Variants in DENND3 observed in about 807,000 individuals in gnomAD.
DENND3 encodes the protein DENN domain-containing protein 3.
A neutral mutation model predicts 135.1 loss-of-function variants in DENND3; 88 were observed. The observed-to-expected ratio is 0.65, with a 90% CI of 0.55 to 0.78. DENND3 has a LOEUF of 0.78. Ranked by LOEUF, DENND3 falls within the 30% of genes least tolerant of loss-of-function variation. DENND3 has a pLI of 0.00. For missense variants in DENND3, 1,392 were observed against 1,688.4 expected, an observed-to-expected ratio of 0.82 and a Z score of 3.08; for synonymous variants, 693 against 712.3, an observed-to-expected ratio of 0.97 and a Z score of 0.43.
intron 1 of DENND3, among the ~76,000 whole-genome samples, chr8:141,131,198 C>T (rs1218008998): frequency 1.3e-5 from 2 of 152,004 alleles, no homozygotes; most frequent in Non-Finnish European, 2.9e-5. Flanking sequence ...AGAATGCAGG[C>T]TAATGTTAGT....
Position 141,194,053 on chromosome 8 carries a change from G to C in DENND3, c.3657G>C (p.Gly1219=). The change falls in exon 23 of 23, where the codon GGG becomes GGC. Residue 1219 remains glycine, a synonymous_variant. Coordinates refer to ENST00000519811, the MANE Select transcript of DENND3 (RefSeq NM_001352890.3). The part of the protein sequence containing the change: ...VKKQVWVGSR[G]LGQGTPKGKI... The stretch of plus-strand genomic sequence containing the variant: ...GGCAGGTCTGGGTGGGCAGCCGAGG[G>C]CTGGGGCAGGGAACACCCAAGGGGA... The C allele has an allele frequency of 6.2e-7, 1 of 1,613,732 alleles. No homozygotes were observed. The highest frequency in any genetic ancestry group is 8.5e-7 in the Non-Finnish European group (1 of 1,179,998).
rs1276165778 is a variant in DENND3 at position 141,193,894 on chromosome 8, C to A, written c.3637-139C>A. Reference sequence around the variant, plus strand: ...CTGTGCACCTGCCAGGCGGCCCTGACCCTCAGGCGGCAGAGGCCCTGTCCA... The same window carrying A: ...CTGTGCACCTGCCAGGCGGCCCTGAACCTCAGGCGGCAGAGGCCCTGTCCA... On this transcript the variant is annotated intron_variant, in intron 22 of 22. Coordinates refer to ENST00000519811, the MANE Select transcript of DENND3 (RefSeq NM_001352890.3). The A allele has an allele frequency of 3.1e-6, 3 of 964,856 alleles. No homozygotes were observed. In the East Asian group the frequency reaches 7.9e-5, roughly 25 times the overall value. The allele number at this position is 964,856 out of a possible 1,614,324, so 59.8% of individuals were successfully genotyped here.
At chr8:141,157,425 C>G in intron 8 of DENND3, 1 of 985,476 alleles carries the variant, frequency 1.0e-6, no homozygotes, top group Non-Finnish European at 1.2e-6. Flanking sequence ...AGGAGAGATC[C>G]TGCTCTTGAG....
In DENND3 at chr8:141,190,444, G is replaced by A. The variant is rs757941698; in HGVS notation, c.3379+27G>A. 2.8e-5 allele frequency: 44 copies of A among 1,588,748 alleles called. 1 individual carries two copies. The highest frequency in any genetic ancestry group is 2.1e-4 in the Middle Eastern group (1 of 4,710). ...TAAGTCCGGCCCCTGCCATCAGAGC[G>A]GGCACCCTACCTCCCTGCTCTGGGA... On this transcript the variant is annotated intron_variant, in intron 20 of 22. Transcript: ENST00000519811.
At chr8:141,159,112 C>T (rs1249152086) in intron 8 of DENND3, among the ~76,000 whole-genome samples, 1 of 152,230 alleles carries the variant, frequency 6.6e-6, no homozygotes, top group Non-Finnish European at 1.5e-5. Flanking sequence ...GTCTGGTCAG[C>T]CAGGGCTGGG....
In DENND3 at chr8:141,165,303, G is replaced by A. The variant is rs758779333; in HGVS notation, c.1553+14G>A. ...GGAGGAGGACAGGTGCTTCACTGTT[G>A]TGTTTTGGATCTGCAGCTCTTTAGG... On this transcript the variant is annotated intron_variant, in intron 11 of 22. Transcript: ENST00000519811. The A allele has an allele frequency of 4.4e-6, 7 of 1,606,606 alleles. No individual in the cohort carries two copies. The East Asian group carries it at 1.6e-4, about 36-fold the overall frequency.
chr8:141,176,629 A>G lies in DENND3; in HGVS notation c.2574A>G (p.Arg858=). 1 of 1,614,250 alleles carries G rather than the reference A, an allele frequency of 6.2e-7. No individual in the cohort carries two copies. Among genetic ancestry groups the G allele is most frequent in the Non-Finnish European group, 8.5e-7 (1 of 1,180,042 alleles). The part of the protein sequence containing the change: ...RRTTTTFLLR[R]IPTLKIRVAS... The stretch of plus-strand genomic sequence containing the variant: ...CCACTACTACATTTCTACTTCGGAG[A>G]ATACCCACTTTAAAAATCAGAGTGG... The change falls in exon 15 of 23, where the codon AGA becomes AGG. Residue 858 remains arginine, a synonymous_variant. Transcript: ENST00000519811.
Position 141,145,831 on chromosome 8 carries a change from ATATATATATATATATATATGTATTT to A in DENND3, c.735+1574_735+1598del, listed in dbSNP as rs1489601213. On this transcript the variant is annotated intron_variant, in intron 5 of 22. Transcript: ENST00000519811. ...TATATATATATATATATATATATAT[ATATATATATATATATATATGTATTT>A]TTTTTTTTTTGAGGCGGAGTCTTGC... Among the ~76,000 whole-genome samples the A allele has an allele frequency of 6.1e-3, 425 of 70,040 alleles. 12 individuals are homozygous for A. The highest frequency in any genetic ancestry group is 0.052 in the African/African-American group (373 of 7,146). The allele number at this position is 70,040 out of a possible 152,430, so 45.9% of individuals were successfully genotyped here. A position where few individuals can be genotyped will look rare whatever the true frequency, so the allele number is the denominator to read the frequency against.
In DENND3 at chr8:141,189,037, T is replaced by A; in HGVS notation, c.3136T>A (p.Ser1046Thr). 6.2e-7 allele frequency: 1 copy of A among 1,614,174 alleles called. No homozygotes were observed. Among genetic ancestry groups the A allele is most frequent in the South Asian group, 1.1e-5 (1 of 91,080 alleles). Reference sequence around the variant, plus strand: ...CCAGGTGTGGGTTGGCTCGGAAGACTCCGTCATCTACATCATCAACGTCCA... The same window carrying A: ...CCAGGTGTGGGTTGGCTCGGAAGACACCGTCATCTACATCATCAACGTCCA... ...QNQVWVGSED[S>T]VIYIINVHSM... The change falls in exon 19 of 23, where the codon TCC becomes ACC. Residue 1046 changes from serine to threonine, a missense_variant. By Grantham distance (58) the Ser-to-Thr change is moderately conservative (BLOSUM62 1). Transcript: ENST00000519811.
intron 5 of DENND3, among the ~76,000 whole-genome samples, chr8:141,145,694 C>A (rs972681425): frequency 6.6e-6 from 1 of 151,448 alleles, no homozygotes; most frequent in African/African-American, 2.4e-5. Context: ...CATGTCAGTT[C>A]ATAGCTCCCT....
chr8:141,140,182 G>A (rs1209345662), intron 3 of DENND3, among the ~76,000 whole-genome samples: 1 of 152,190 alleles, frequency 6.6e-6, no homozygotes, highest in Non-Finnish European at 1.5e-5. Context: ...GATGACAGGT[G>A]TGAGCTACAT....
In DENND3 at chr8:141,130,389, A is replaced by G. The variant is rs751339109; in HGVS notation, c.102+1580A>G. On this transcript the variant is annotated intron_variant, in intron 1 of 22. Coordinates refer to ENST00000519811, the MANE Select transcript of DENND3 (RefSeq NM_001352890.3). The surrounding 1 kb of genome is among the most constrained non-coding windows in gnomAD (Gnocchi z 4.2). Reference sequence around the variant, plus strand: ...CTGGCCAGTGGTGCATTCCTGAACTAAACACGCTGCAACATTTTCATGTTC... The same window carrying G: ...CTGGCCAGTGGTGCATTCCTGAACTGAACACGCTGCAACATTTTCATGTTC... Among the ~76,000 whole-genome samples the G allele has an allele frequency of 3.9e-5, 6 of 151,908 alleles. No homozygotes were observed. The highest frequency in any genetic ancestry group is 7.4e-5 in the Non-Finnish European group (5 of 67,974).
rs960956327 is a variant in DENND3, at chr8:141,174,234, G to T, written c.2276-966G>T. On this transcript the variant is annotated intron_variant, in intron 13 of 22. Coordinates refer to ENST00000519811, the MANE Select transcript of DENND3 (RefSeq NM_001352890.3). The surrounding 1 kb of genome is among the most constrained non-coding windows in gnomAD (Gnocchi z 4.6). ...CTGTGGTATACAGAAGCAGCCCTGA[G>T]TGTTAAACATGGGAGCGGGAACTCC... is the stretch of plus-strand genomic sequence containing the variant. Among the ~76,000 whole-genome samples the T allele has an allele frequency of 2.6e-5, 4 of 152,170 alleles. No individual in the cohort carries two copies. Among genetic ancestry groups the T allele is most frequent in the Non-Finnish European group, 4.4e-5 (3 of 68,024 alleles).
At chr8:141,145,065 GC>G (rs1450024613) in intron 5 of DENND3, among the ~76,000 whole-genome samples, 1 of 152,220 alleles carries the variant, frequency 6.6e-6, no homozygotes, top group Non-Finnish European at 1.5e-5. Context: ...CTAGGCCTTT[GC>G]CAGATCTAGG....
intron 15 of DENND3, 199 bp downstream of exon 15, chr8:141,176,960 T>A (rs897455151): frequency 2.3e-5 from 14 of 610,342 alleles, no homozygotes; most frequent in Non-Finnish European, 5.6e-6. Context: ...GGCCTCACGG[T>A]GCTACGGAAG....
At chr8:141,151,018 G>T in intron 6 of DENND3, 65 bp downstream of exon 6, 2 of 1,454,312 alleles carry the variant, frequency 1.4e-6, no homozygotes, top group Admixed American at 2.7e-5. Flanking sequence ...TCAGAGCAAC[G>T]ATCAGAGATG....
intron 8 of DENND3, among the ~76,000 whole-genome samples, chr8:141,160,184 T>A (rs368425217): frequency 2.3e-4 from 20 of 85,964 alleles, no homozygotes; most frequent in African/African-American, 9.5e-4. Context: ...GTATTTTTTT[T>A]TTTTTTTTTT....
chr8:141,131,342 T>C (rs1414710529), intron 1 of DENND3, among the ~76,000 whole-genome samples: 1 of 152,174 alleles, frequency 6.6e-6, no homozygotes, highest in Non-Finnish European at 1.5e-5. Flanking sequence ...GTAGAAAGTG[T>C]TCTGAGTACC....
chr8:141,182,198 G>C lies in DENND3; in HGVS notation c.2944+1344G>C. 1.8e-6 allele frequency: 1 copy of C among 554,712 alleles called. No individual in the cohort carries two copies. The highest frequency in any genetic ancestry group is 2.3e-6 in the Non-Finnish European group (1 of 436,726). The allele number at this position is 554,712 out of a possible 1,614,324, so 34.4% of individuals were successfully genotyped here. On this transcript the variant is annotated intron_variant, in intron 17 of 22. Coordinates refer to ENST00000519811, the MANE Select transcript of DENND3 (RefSeq NM_001352890.3). The surrounding 1 kb of genome is among the most constrained non-coding windows in gnomAD (Gnocchi z 5.9). ...GATGTAGGTGTCACCCCCTCTCACAGGCCATGTCCGCGGCTTCACAGAGCA... is the reference window on the plus strand; with the variant it reads ...GATGTAGGTGTCACCCCCTCTCACACGCCATGTCCGCGGCTTCACAGAGCA...
Sources: allele counts gnomAD v4.1 joint callset (sites outside exome capture counted in the v4.1 genomes callset), GRCh38; gene constraint gnomAD v4.1.1; non-coding constraint Gnocchi (gnomAD v3.1); transcripts MANE v1.5; gene names NCBI Gene and HGNC (gene_info 2026-07-23, HGNC 2026-07-21).